Variants in DNAH3 observed in about 807,000 individuals in gnomAD.
DNAH3 encodes the protein axonemal beta dynein heavy chain 3.
In DNAH3, 332 loss-of-function variants were observed where a neutral mutation model predicts 432.5. That is an observed-to-expected ratio of 0.77 (90% CI 0.70 to 0.84). DNAH3 has a LOEUF of 0.84. Ranked by LOEUF, DNAH3 falls within the 40% of genes least tolerant of loss-of-function variation. DNAH3 has a pLI of 0.00. For synonymous variants in DNAH3, 1,956 were observed against 1,900.2 expected (o/e 1.03, Z -0.76); for missense variants, 4,861 against 5,114.0 (o/e 0.95, Z 1.51).
At chr16:20,975,926 G>A (rs1027151409) in intron 50 of DNAH3, among the ~76,000 whole-genome samples, 6 of 151,956 alleles carry the variant, frequency 3.9e-5, no homozygotes, top group African/African-American at 1.5e-4. Flanking sequence ...TATATTTTTA[G>A]TAGAGACGAA....
intron 11 of DNAH3, among the ~76,000 whole-genome samples, chr16:21,118,113 G>A (rs555946782): frequency 1.6e-4 from 25 of 151,606 alleles, no homozygotes; most frequent in African/African-American, 5.8e-4. Context: ...TCAGCCTCCC[G>A]AGTAGCTGGG....
At chr16:21,152,041 C>A (rs1597501989) in intron 1 of DNAH3, among the ~76,000 whole-genome samples, 1 of 152,038 alleles carries the variant, frequency 6.6e-6, no homozygotes, top group East Asian at 1.9e-4. Flanking sequence ...TTGAGACCAG[C>A]TTGGCCAACA....
intron 24 of DNAH3, among the ~76,000 whole-genome samples, chr16:21,065,255 G>C (rs1331100243): frequency 6.6e-6 from 1 of 151,948 alleles, no homozygotes; most frequent in African/African-American, 2.4e-5. Flanking sequence ...CTGCCTCCCG[G>C]GTTCAAGCAA....
Position 20,987,689 on chromosome 16 carries a change from T to C in DNAH3, c.6882+4A>G. The C allele has an allele frequency of 6.2e-7, 1 of 1,612,316 alleles. No homozygotes were observed. Among genetic ancestry groups the C allele is most frequent in the Non-Finnish European group, 8.5e-7 (1 of 1,178,472 alleles). On this transcript the variant is annotated splice_donor_region_variant and intron_variant, in intron 46 of 61. Transcript: ENST00000261383. ...ATCTTGGTAGTAAAATGATAGTGGC[T>C]GACCTGCAGGTGTGTGTGAGGGCAC...
chr16:20,966,941 CAAGT>C (rs1443501882), intron 52 of DNAH3, among the ~76,000 whole-genome samples: 1 of 152,184 alleles, frequency 6.6e-6, no homozygotes, highest in Non-Finnish European at 1.5e-5. Flanking sequence ...TGCTGACTAA[CAAGT>C]AATCAAGTGA....
intron 5 of DNAH3, among the ~76,000 whole-genome samples, chr16:21,139,776 CTTT>C (rs71275930): frequency 1.6e-4 from 14 of 86,216 alleles, no homozygotes; most frequent in Non-Finnish European, 2.3e-4. Context: ...CCACCTCATT[CTTT>C]TTTTTTTTTT....
At chr16:21,125,063 T>C in intron 9 of DNAH3, 112 bp downstream of exon 10, 1 of 833,948 alleles carries the variant, frequency 1.2e-6, no homozygotes, top group Non-Finnish European at 1.8e-6. Flanking sequence ...AAGTCAAGCA[T>C]TTCACTTTGT....
chr16:20,956,189 A>T (rs941102152), intron 54 of DNAH3, among the ~76,000 whole-genome samples: 3 of 152,088 alleles, frequency 2.0e-5, no homozygotes, highest in Non-Finnish European at 4.4e-5. Flanking sequence ...CGGCCCCCCA[A>T]AGTGCTAGGA....
chr16:21,039,213 G>GTTTTTTTTTTTT (rs1567681489), intron 33 of DNAH3, among the ~76,000 whole-genome samples: 2 of 103,628 alleles, frequency 1.9e-5, no homozygotes, highest in African/African-American at 3.9e-5. Context: ...TTATAGTGTT[G>GTTTTTTTTTTTT]CTTTTTTTTT....
chr16:20,941,457 C>G, exon 59 of DNAH3: 1 of 1,614,062 alleles, frequency 6.2e-7, no homozygotes, highest in Non-Finnish European at 8.5e-7. Flanking sequence ...CTTCATAGAC[C>G]ACGGGGTACA....
chr16:20,938,639 CT>C lies in DNAH3; in HGVS notation c.11655-1787del, dbSNP rs148587726. 3.8e-5 allele frequency among the ~76,000 whole-genome samples: 5 copies of C among 133,060 alleles called. 1 individual carries two copies. The East Asian group carries it at 1.1e-3, about 29-fold the overall frequency. The allele number at this position is 133,060 out of a possible 152,430, so 87.3% of individuals were successfully genotyped here. The stretch of plus-strand genomic sequence containing the variant: ...GAAGCTGAACTGTCGCTGAATCATT[CT>C]GGGCTTCCTATATCACTGGGTGAAA... On this transcript the variant is annotated intron_variant, in intron 59 of 61. Coordinates refer to ENST00000261383, the Ensembl canonical transcript of DNAH3.
At chr16:21,109,824 G>A (rs936553506) in intron 14 of DNAH3, among the ~76,000 whole-genome samples, 3 of 151,212 alleles carry the variant, frequency 2.0e-5, no homozygotes, top group Admixed American at 6.6e-5. Context: ...TTGCAGCCTC[G>A]ACTTCTGGGG....
In DNAH3 at chr16:21,000,530, A is replaced by C; in HGVS notation, c.6127-12T>G. On this transcript the variant is annotated splice_polypyrimidine_tract_variant and intron_variant, in intron 42 of 61. Transcript: ENST00000261383. ...ATGAGTTCTGAGACCTGTACCACAC[A>C]GACATGGGAGAGTCTCGGTTGTGGG... 4 of 1,575,314 alleles carry C rather than the reference A, an allele frequency of 2.5e-6. No individual in the cohort carries two copies. The highest frequency in any genetic ancestry group is 3.5e-6 in the Non-Finnish European group (4 of 1,157,952).
At chr16:20,987,212 T>C in intron 47 of DNAH3, 93 bp downstream of exon 47, 2 of 1,483,818 alleles carry the variant, frequency 1.3e-6, no homozygotes, top group Non-Finnish European at 1.8e-6. Flanking sequence ...GAGCTGGCAG[T>C]CTCCAACAGG....
At chr16:20,937,890 G>T (rs1420615660) in intron 59 of DNAH3, among the ~76,000 whole-genome samples, 1 of 152,128 alleles carries the variant, frequency 6.6e-6, no homozygotes, top group African/African-American at 2.4e-5. Context: ...CAGCCTGGGA[G>T]ATGTCAAATT....
At chr16:20,967,778 G>GATTACAGGAGTATTACAGGAGT (rs1322669988) in intron 52 of DNAH3, among the ~76,000 whole-genome samples, 1 of 151,902 alleles carries the variant, frequency 6.6e-6, no homozygotes, top group Non-Finnish European at 1.5e-5. Flanking sequence ...AAAGTGCTGG[G>GATTACAGGAGTATTACAGGAGT]ATTACAGGAG....
Position 21,098,785 on chromosome 16 carries a change from G to A in DNAH3, c.2367-16C>T, listed in dbSNP as rs2091761795. On this transcript the variant is annotated splice_polypyrimidine_tract_variant and intron_variant, in intron 16 of 61. Coordinates refer to ENST00000261383, the Ensembl canonical transcript of DNAH3. ...TTCTGAGCATCTGAAAATAAAGACA[G>A]CCTGGTTACCTTTGGACTTTGCATT... 1 of 1,605,934 alleles carries A rather than the reference G, an allele frequency of 6.2e-7. No homozygotes were observed. The highest frequency in any genetic ancestry group is 8.5e-7 in the Non-Finnish European group (1 of 1,177,540).
intron 28 of DNAH3, among the ~76,000 whole-genome samples, chr16:21,052,207 G>A (rs1030728042): frequency 1.3e-5 from 2 of 152,066 alleles, no homozygotes; most frequent in Non-Finnish European, 2.9e-5. Flanking sequence ...GGCCAGGCTG[G>A]TCTCCAACTT....
At chr16:21,132,520 A>G (rs994829335) in intron 7 of DNAH3, among the ~76,000 whole-genome samples, 4 of 152,208 alleles carry the variant, frequency 2.6e-5, no homozygotes, top group African/African-American at 9.6e-5. Context: ...AGATAAAACA[A>G]ATGTCGGATA....
Sources: allele counts gnomAD v4.1 joint callset (sites outside exome capture counted in the v4.1 genomes callset), GRCh38; gene constraint gnomAD v4.1.1; transcripts MANE v1.5; gene names NCBI Gene and HGNC (gene_info 2026-07-23, HGNC 2026-07-21).